The following PCGF3 variants were observed in gnomAD, a reference collection of about 807,000 sequenced individuals.
The protein encoded by PCGF3 is polycomb group ring finger 3.
A neutral mutation model predicts 33.1 loss-of-function variants in PCGF3; 7 were observed. The ratio of observed to expected loss-of-function variants is 0.21; its 90% CI spans 0.12 to 0.40. The LOEUF is 0.40. Ranked by LOEUF, PCGF3 falls within the 10% of genes least tolerant of loss-of-function variation. The pLI, the probability that PCGF3 is intolerant of heterozygous loss-of-function variation, is 1.00. For missense variants in PCGF3, 211 were observed against 313.3 expected, an observed-to-expected ratio of 0.67 and a Z score of 2.46; for synonymous variants, 153 against 121.3, an observed-to-expected ratio of 1.26 and a Z score of -1.72.
At chr4:728,915 C>A (rs1020748981) in intron 1 of PCGF3, among the ~76,000 whole-genome samples, 3 of 151,882 alleles carry the variant, frequency 2.0e-5, no homozygotes, top group African/African-American at 7.3e-5. Context: ...GCCTGGGCAA[C>A]ATGGTGAAAC....
At chr4:766,855 CG>C (rs1560223603) in exon 11 of PCGF3, 1 of 152,230 alleles carries the variant, frequency 6.6e-6, no homozygotes, top group African/African-American at 2.4e-5. Flanking sequence ...TGCTGGTTTA[CG>C]GAACAACTCT....
chr4:749,637 C>A (rs771426074), intron 8 of PCGF3, among the ~76,000 whole-genome samples: 1 of 151,814 alleles, frequency 6.6e-6, no homozygotes, highest in Non-Finnish European at 1.5e-5. Context: ...CAGGCACACC[C>A]CACCACACCC....
intron 8 of PCGF3, among the ~76,000 whole-genome samples, chr4:748,892 C>T (rs1233426618): frequency 6.6e-6 from 1 of 152,044 alleles, no homozygotes; most frequent in Admixed American, 6.5e-5. Context: ...CCTGGGATCT[C>T]GTGGAAATTC....
chr4:733,532 A>G, intron 3 of PCGF3, 140 bp from the exon 4 acceptor site: 1 of 754,332 alleles, frequency 1.3e-6, no homozygotes, highest in South Asian at 1.8e-5. Context: ...GGAGCCTGGG[A>G]CCCCGTGAGC....
chr4:766,265 GA>G, exon 11 of PCGF3: 1 of 580,390 alleles, frequency 1.7e-6, no homozygotes, highest in South Asian at 2.0e-5. Context: ...TACAGAGGAT[GA>G]AAACACTTCA....
At chr4:752,909 G>A (rs987369409) in intron 8 of PCGF3, among the ~76,000 whole-genome samples, 10 of 152,266 alleles carry the variant, frequency 6.6e-5, no homozygotes, top group African/African-American at 1.7e-4. Flanking sequence ...CCTGGTGCCC[G>A]TCTGTCCAGG....
intron 7 of PCGF3, 102 bp from the exon 8 acceptor site, chr4:744,498 T>A: frequency 1.1e-6 from 1 of 880,542 alleles, no homozygotes; most frequent in Non-Finnish European, 1.8e-6. Flanking sequence ...CAGAGTCTCT[T>A]AATGGAGTGA....
chr4:761,410 T>C (rs1198634559), exon 9 of PCGF3: 1 of 1,605,420 alleles, frequency 6.2e-7, no homozygotes, highest in Non-Finnish European at 8.5e-7. Flanking sequence ...TTTCATCCTT[T>C]AACGAGGTAA....
chr4:716,438 C>G (rs1327232165), intron 1 of PCGF3, among the ~76,000 whole-genome samples: 1 of 98,398 alleles, frequency 1.0e-5, no homozygotes, highest in African/African-American at 4.0e-5. Flanking sequence ...AACTGGGCGT[C>G]GGTGCTGGGA....
intron 1 of PCGF3, among the ~76,000 whole-genome samples, chr4:716,816 G>A (rs1742871353): frequency 2.8e-5 from 4 of 142,134 alleles, no homozygotes; most frequent in South Asian, 2.4e-4. Flanking sequence ...GATACTGTGA[G>A]TGTGAGAACT....
chr4:763,707 C>T (rs768093616), intron 9 of PCGF3, among the ~76,000 whole-genome samples: 8 of 152,202 alleles, frequency 5.3e-5, no homozygotes, highest in East Asian at 3.8e-4. Flanking sequence ...AGCCACACCT[C>T]GTCATTTACC....
At chr4:712,095 G>A (rs79839061) in intron 1 of PCGF3, among the ~76,000 whole-genome samples, 14,612 of 151,962 alleles carry the variant, frequency 0.096, 820 homozygotes, top group East Asian at 0.14. Context: ...CAAAAATATG[G>A]TACAATTCAT....
intron 10 of PCGF3, 101 bp downstream of exon 10, chr4:765,165 G>A (rs1048912335): frequency 1.5e-5 from 12 of 797,294 alleles, no homozygotes; most frequent in Non-Finnish European, 2.3e-5. Context: ...TGGGTGCAGT[G>A]GCTCATGCCT....
chr4:761,951 C>T, intron 9 of PCGF3: 8 of 985,350 alleles, frequency 8.1e-6, no homozygotes, highest in Non-Finnish European at 9.6e-6. Context: ...TGGGCAGGAG[C>T]ATGGGTCTGG....
intron 1 of PCGF3, among the ~76,000 whole-genome samples, chr4:718,069 AG>A (rs1742930430): frequency 6.6e-6 from 1 of 152,064 alleles, no homozygotes; most frequent in African/African-American, 2.4e-5. Context: ...AGTGTGAGGG[AG>A]GCGCAGGTGG....
At chr4:758,024 C>T (rs1272697786) in intron 8 of PCGF3, among the ~76,000 whole-genome samples, 5 of 151,858 alleles carry the variant, frequency 3.3e-5, no homozygotes, top group South Asian at 2.1e-4. Context: ...AAAAATTAGC[C>T]GGGCATGATG....
chr4:765,696 C>G lies in PCGF3; in HGVS notation c.682-336C>G, dbSNP rs546795797. Among the ~76,000 whole-genome samples, 18 of 152,176 alleles carry G rather than the reference C, an allele frequency of 1.2e-4. No homozygotes were observed. In the South Asian group the frequency reaches 2.5e-3, roughly 21 times the overall value. ...TGCTGCCTGGGGAGAGGGGGAGGAGCCAAGGCTGGCCTGGGGCTGGGCCAG... is the reference window on the plus strand; with the variant it reads ...TGCTGCCTGGGGAGAGGGGGAGGAGGCAAGGCTGGCCTGGGGCTGGGCCAG... On this transcript the variant is annotated intron_variant, in intron 10 of 10. Transcript: ENST00000362003.
chr4:749,476 CTTT>C (rs71640348), intron 8 of PCGF3, among the ~76,000 whole-genome samples: 15,266 of 74,826 alleles, frequency 0.2, 850 homozygotes, highest in Middle Eastern at 0.27. Flanking sequence ...ATTTTCTTTC[CTTT>C]TTTTTTTTTT....
chr4:750,195 A>C (rs1744450790), intron 8 of PCGF3, among the ~76,000 whole-genome samples: 1 of 152,218 alleles, frequency 6.6e-6, no homozygotes, highest in Admixed American at 6.5e-5. Context: ...ACTGGCATTC[A>C]TTTCTAAAGA....
Sources: gnomAD v4.1 joint callset for allele counts (sites outside exome capture counted in the v4.1 genomes callset) on GRCh38, gnomAD v4.1.1 for gene constraint, MANE v1.5 for transcripts, NCBI Gene and HGNC (gene_info 2026-07-23, HGNC 2026-07-21) for gene names.